RYR2: variants seen among roughly 807,000 people sequenced by gnomAD.
RYR2 encodes the protein cardiac muscle ryanodine receptor-calcium release channel.
A neutral mutation model predicts 601.1 loss-of-function variants in RYR2; 227 were observed. The observed-to-expected ratio is 0.38, with a 90% CI of 0.34 to 0.42. The LOEUF is 0.42. Ranked by LOEUF, RYR2 falls within the 10% of genes least tolerant of loss-of-function variation. The pLI is 1.00. For missense variants in RYR2, 4,646 were observed against 6,156.5 expected, an observed-to-expected ratio of 0.75 and a Z score of 8.21; for synonymous variants, 2,223 against 2,175.1, an observed-to-expected ratio of 1.02 and a Z score of -0.61.
intron 71 of RYR2, among the ~76,000 whole-genome samples, chr1:237,713,320 A>G (rs1034811100): frequency 2.0e-5 from 3 of 152,206 alleles, no homozygotes; most frequent in Non-Finnish European, 2.9e-5. Flanking sequence ...GGAGTAATAG[A>G]TAAGAACCTC....
intron 81 of RYR2, 141 bp downstream of exon 81, chr1:237,756,528 A>G: frequency 1.9e-6 from 1 of 538,740 alleles, no homozygotes; most frequent in Non-Finnish European, 3.3e-6. Context: ...GCCTATTCAC[A>G]AATACGAGCT....
intron 1 of RYR2, among the ~76,000 whole-genome samples, chr1:237,194,621 ACT>A (rs1680355124): frequency 6.6e-6 from 1 of 152,022 alleles, no homozygotes; most frequent in South Asian, 2.1e-4. Flanking sequence ...ACCAATGTAG[ACT>A]CTGACCCTGA....
chr1:237,830,895 T>G (rs567868018), intron 103 of RYR2, among the ~76,000 whole-genome samples: 14 of 151,864 alleles, frequency 9.2e-5, no homozygotes, highest in African/African-American at 2.4e-4. Context: ...TCTGTGGGAG[T>G]CTTGGTCATG....
At chr1:237,405,180 G>T (rs1384676514) in intron 10 of RYR2, among the ~76,000 whole-genome samples, 1 of 152,156 alleles carries the variant, frequency 6.6e-6, no homozygotes, top group African/African-American at 2.4e-5. Context: ...CATCACCTTG[G>T]GAATGAGGAC....
intron 14 of RYR2, among the ~76,000 whole-genome samples, chr1:237,450,451 C>T (rs896706598): frequency 1.3e-5 from 2 of 152,132 alleles, no homozygotes; most frequent in African/African-American, 2.4e-5. Flanking sequence ...TTCCATTCCT[C>T]AGGAATTCCT....
intron 2 of RYR2, among the ~76,000 whole-genome samples, chr1:237,322,750 A>G (rs1254099499): frequency 1.3e-5 from 2 of 151,496 alleles, no homozygotes; most frequent in Non-Finnish European, 2.9e-5. Context: ...TGTCTTAGTT[A>G]TTGCTGATCC....
At position 237,441,374 on chromosome 1, in the gene RYR2, T is replaced by C. The variant is rs1219772910; in HGVS notation, c.1061T>C (p.Ile354Thr). ...GTAGATGGCATGGGAACATCTGAAA[T>C]AAAATACGGTGACTCAGTATGCTAT... The part of the protein sequence containing the change: ...KEVDGMGTSE[I>T]KYGDSVCYIQ... The change falls in exon 13 of 105, where the codon ATA becomes ACA. Residue 354 changes from isoleucine to threonine, a missense_variant. Physicochemically the swap from Ile to Thr is moderately conservative, Grantham distance 89. Coordinates refer to ENST00000366574, the MANE Select transcript of RYR2 (RefSeq NM_001035.3). 1 of 1,613,764 alleles carries C rather than the reference T, an allele frequency of 6.2e-7. No individual in the cohort carries two copies.
intron 53 of RYR2, among the ~76,000 whole-genome samples, chr1:237,656,248 A>C (rs1028452633): frequency 2.0e-5 from 3 of 152,212 alleles, no homozygotes; most frequent in African/African-American, 4.8e-5. Flanking sequence ...GAATTAAGAA[A>C]GTATGTCAGT....
intron 36 of RYR2, among the ~76,000 whole-genome samples, chr1:237,612,398 T>C (rs544282563): frequency 6.6e-6 from 1 of 152,310 alleles, no homozygotes; most frequent in Admixed American, 6.5e-5. Flanking sequence ...TTAAATTATG[T>C]ATTTTAAGTA....
At chr1:237,221,455 A>T (rs1189992260) in intron 1 of RYR2, among the ~76,000 whole-genome samples, 1 of 152,224 alleles carries the variant, frequency 6.6e-6, no homozygotes, top group Non-Finnish European at 1.5e-5. Flanking sequence ...GGTCACAAGC[A>T]TGACATTTCG....
intron 48 of RYR2, among the ~76,000 whole-genome samples, chr1:237,645,951 A>G (rs930531596): frequency 5.5e-5 from 8 of 146,462 alleles, no homozygotes; most frequent in African/African-American, 1.5e-4. Flanking sequence ...GTCTTGGCTC[A>G]CTGCAAGCTC....
rs1427986585 is a variant in RYR2 at position 237,708,930 on chromosome 1, A to G, written c.9974A>G (p.Lys3325Arg). Reference protein sequence around the residue: ...LKTHFLPLMEKLKKKAATVVS... With the variant: ...LKTHFLPLMERLKKKAATVVS... ...ACTCATTTCTTGCCGTTAATGGAGA[A>G]ACTCAAGAAAAAGGCAGCTACGGTG... Residue 3325 changes from lysine (K) to arginine (R), a missense_variant, in exon 69 of 105, where the codon AAA becomes AGA. Physicochemically the swap from Lys to Arg is conservative, Grantham distance 26 (BLOSUM62 2). Around this residue, in one of 17 missense-constraint regions of RYR2, gnomAD observed 1,497 missense variants for 1,842.6 expected, o/e 0.81. Transcript: ENST00000366574. 7 of 1,613,244 alleles carry G rather than the reference A, an allele frequency of 4.3e-6. No homozygotes were observed. The Middle Eastern group carries it at 5.0e-4, about 114-fold the overall frequency.
intron 17 of RYR2, among the ~76,000 whole-genome samples, chr1:237,473,442 T>TTTCTTTCTTTCTTTCTTTCTTTCTTC (rs1553464684): frequency 1.6e-4 from 9 of 56,720 alleles, no homozygotes; most frequent in East Asian, 1.3e-3. Flanking sequence ...TCTTTCTTTC[T>TTTCTTTCTTTCTTTCTTTCTTTCTTC]TTCTTTCTTT....
At chr1:237,201,266 C>T (rs907709098) in intron 1 of RYR2, among the ~76,000 whole-genome samples, 2 of 152,190 alleles carry the variant, frequency 1.3e-5, no homozygotes, top group African/African-American at 4.8e-5. Context: ...CTATTAGTGT[C>T]ACATTGAGGT....
rs542266824 is a variant in RYR2, at chr1:237,297,047, A to G, written c.168+26431A>G. Among the ~76,000 whole-genome samples, 5 of 152,336 alleles carry G rather than the reference A, an allele frequency of 3.3e-5. No homozygotes were observed. In the South Asian group the frequency reaches 1.0e-3, roughly 32 times the overall value. ...GATGAACACAAAAAATAAAATCACA[A>G]TTTTGGAAATGACGTAACAAATGAA... On this transcript the variant is annotated intron_variant, in intron 2 of 104. Transcript: ENST00000366574.
chr1:237,817,489 C>T (rs1486113990), intron 100 of RYR2, among the ~76,000 whole-genome samples: 1 of 152,124 alleles, frequency 6.6e-6, no homozygotes, highest in Non-Finnish European at 1.5e-5. Context: ...ATAACCAAAG[C>T]ATTTCTTGTT....
chr1:237,819,783 A>G lies in RYR2; in HGVS notation c.14590+591A>G, dbSNP rs148222356. On this transcript the variant is annotated intron_variant, in intron 101 of 104. Coordinates refer to ENST00000366574, the MANE Select transcript of RYR2 (RefSeq NM_001035.3). This position sits in a 1 kb window ranked among gnomAD's most constrained non-coding sequence, Gnocchi z 4.0. ...CAGTGAGCCAAGATCACGCCACTGCACTCCAGCCTGGGCAACAAGAGCGAA... is the reference window on the plus strand; with the variant it reads ...CAGTGAGCCAAGATCACGCCACTGCGCTCCAGCCTGGGCAACAAGAGCGAA... Among the ~76,000 whole-genome samples the G allele has an allele frequency of 4.4e-3, 667 of 152,166 alleles. 8 individuals carry two copies. In the East Asian group the frequency reaches 0.055, roughly 12 times the overall value.
chr1:237,411,495 A>G (rs1010773681), intron 10 of RYR2, among the ~76,000 whole-genome samples: 1 of 152,120 alleles, frequency 6.6e-6, no homozygotes, highest in Non-Finnish European at 1.5e-5. Context: ...GCAAAATATT[A>G]TTGAATCTTA....
intron 24 of RYR2, among the ~76,000 whole-genome samples, chr1:237,529,877 G>T (rs12137167): frequency 0.04 from 6,058 of 151,546 alleles, 411 homozygotes; most frequent in African/African-American, 0.14. Context: ...GCCTTTAGAG[G>T]AAGGAAACAG....
Sources: gnomAD v4.1 joint callset for allele counts (sites outside exome capture counted in the v4.1 genomes callset) on GRCh38, gnomAD v4.1.1 for gene constraint, gnomAD v4.1.1 regional missense constraint, Gnocchi (gnomAD v3.1) non-coding constraint, MANE v1.5 for transcripts, NCBI Gene and HGNC (gene_info 2026-07-23, HGNC 2026-07-21) for gene names.